ZMYM2: variants seen among roughly 807,000 people sequenced by gnomAD.
ZMYM2 encodes the protein zinc finger MYM-type containing 2.
In ZMYM2, 56 loss-of-function variants were observed where a neutral mutation model predicts 162.8. The ratio of observed to expected loss-of-function variants is 0.34; its 90% confidence interval spans 0.28 to 0.43. The LOEUF is 0.43. Among genes scored for constraint, ZMYM2 ranks in the 20% least tolerant of loss-of-function variants. The pLI is 1.00. For missense variants in ZMYM2, 1,275 were observed against 1,621.8 expected (o/e 0.79, Z 3.67); for synonymous variants, 510 against 541.6 (o/e 0.94, Z 0.81).
intron 2 of ZMYM2, among the ~76,000 whole-genome samples, chr13:19,961,234 A>G (rs1955177242): frequency 6.6e-6 from 1 of 152,042 alleles, no homozygotes; most frequent in African/African-American, 2.4e-5. Flanking sequence ...TGCCCACACT[A>G]GTTTTTAACA....
At chr13:20,079,740 C>T (rs529158856) in intron 21 of ZMYM2, among the ~76,000 whole-genome samples, 6 of 152,120 alleles carry the variant, frequency 3.9e-5, no homozygotes, top group Non-Finnish European at 8.8e-5. Context: ...ATTAAGTGTT[C>T]GCACTTCATT....
chr13:20,080,394 TTTCAC>T (rs1398884015), intron 21 of ZMYM2, among the ~76,000 whole-genome samples: 2 of 152,230 alleles, frequency 1.3e-5, no homozygotes, highest in African/African-American at 4.8e-5. Flanking sequence ...TTCTTTTACT[TTTCAC>T]TTATCTGTTC....
chr13:19,876,470 G>A, the ZMYM2 span, among the ~76,000 whole-genome samples: 1 of 151,882 alleles, frequency 6.6e-6, no homozygotes, highest in East Asian at 1.9e-4. Context: ...CTACAGGCAC[G>A]TGCCACTACA....
At chr13:19,889,307 ATTTATTTTAT>A in the ZMYM2 span, among the ~76,000 whole-genome samples, 1 of 151,732 alleles carries the variant, frequency 6.6e-6, no homozygotes, top group African/African-American at 2.4e-5. Flanking sequence ...TTGTTTTGGA[ATTTATTTTAT>A]TTTATTTTAT....
intron 2 of ZMYM2, among the ~76,000 whole-genome samples, chr13:19,973,186 C>T (rs955888430): frequency 2.0e-5 from 3 of 152,004 alleles, no homozygotes; most frequent in Non-Finnish European, 4.4e-5. Context: ...ATCCGCCCAC[C>T]TCAGCCTCCC....
At chr13:19,865,269 G>A in the ZMYM2 span, among the ~76,000 whole-genome samples, 1 of 152,186 alleles carries the variant, frequency 6.6e-6, no homozygotes, top group Admixed American at 6.5e-5. Context: ...ATCTCATAAC[G>A]TTTTAAGAAA....
At chr13:19,863,954 G>C in the ZMYM2 span, 1 of 152,196 alleles carries the variant, frequency 6.6e-6, no homozygotes, top group Non-Finnish European at 1.5e-5. Context: ...GCCGCCCGTC[G>C]TAGCGGCCCG....
the ZMYM2 span, among the ~76,000 whole-genome samples, chr13:19,885,920 TATATATGTGTATACAC>T: frequency 1.7e-5 from 1 of 57,450 alleles, no homozygotes; most frequent in African/African-American, 5.7e-5. Flanking sequence ...TATATACACA[TATATATGTGTATACAC>T]ATATATATGT....
At chr13:20,055,812 A>C (rs1052120967) in intron 14 of ZMYM2, among the ~76,000 whole-genome samples, 6 of 152,120 alleles carry the variant, frequency 3.9e-5, no homozygotes, top group African/African-American at 1.4e-4. Context: ...TTTTTTTTAA[A>C]GCATACTGAA....
At chr13:20,014,380 T>G (rs1951442969) in intron 6 of ZMYM2, among the ~76,000 whole-genome samples, 1 of 152,188 alleles carries the variant, frequency 6.6e-6, no homozygotes, top group Non-Finnish European at 1.5e-5. Flanking sequence ...CCAGGACATT[T>G]TTGATGACTG....
the ZMYM2 span, among the ~76,000 whole-genome samples, chr13:19,877,712 A>AT: frequency 6.6e-6 from 1 of 152,202 alleles, no homozygotes; most frequent in Admixed American, 6.5e-5. Context: ...ATGTGGCAGC[A>AT]TATGTCCAAA....
intron 2 of ZMYM2, among the ~76,000 whole-genome samples, chr13:19,972,900 TATATATAC>T (rs1956447211): frequency 6.6e-6 from 1 of 150,660 alleles, no homozygotes; most frequent in African/African-American, 2.4e-5. Flanking sequence ...TTACAAATTA[TATATATAC>T]ATATATAGAT....
At chr13:20,031,459 G>T in intron 10 of ZMYM2, 24 bp downstream of exon 10, 1 of 1,428,914 alleles carries the variant, frequency 7.0e-7, no homozygotes, top group South Asian at 1.3e-5. Context: ...TGTAATGTGT[G>T]TTATCTAATG....
chr13:20,082,303 ATAAC>A (rs1328010483), intron 22 of ZMYM2, among the ~76,000 whole-genome samples, 173 bp downstream of exon 22: 1 of 152,196 alleles, frequency 6.6e-6, no homozygotes, highest in African/African-American at 2.4e-5. Context: ...AATGTGGTCA[ATAAC>A]TAGTGTTTAT....
chr13:20,031,865 G>GTTTTTTTTTTTTTTT (rs10642086), intron 10 of ZMYM2, among the ~76,000 whole-genome samples: 8 of 130,272 alleles, frequency 6.1e-5, no homozygotes, highest in Non-Finnish European at 7.7e-5. Flanking sequence ...TTCTGTAATT[G>GTTTTTTTTTTTTTTT]TTTTTTTTTT....
At chr13:19,941,303 GAACA>G in the ZMYM2 span, among the ~76,000 whole-genome samples, 462 of 120,176 alleles carry the variant, frequency 3.8e-3, 5 homozygotes, top group African/African-American at 0.013. Flanking sequence ...GCGGAAAACA[GAACA>G]AACAAACAAA....
chr13:20,086,642 G>C lies in ZMYM2; in HGVS notation c.*628G>C. On this transcript the variant is annotated 3_prime_UTR_variant, in exon 25 of 25. Coordinates refer to ENST00000610343, the MANE Select transcript of ZMYM2 (RefSeq NM_197968.4). The stretch of plus-strand genomic sequence containing the variant: ...TTGGTGTACTGTAATGTGAATCTAT[G>C]CTGGTGAAAACAATTTTTTGTTCCC... 1 of 190,998 alleles carries C rather than the reference G, an allele frequency of 5.2e-6. No individual in the cohort carries two copies. The highest frequency in any genetic ancestry group is 1.1e-5 in the Non-Finnish European group (1 of 90,970). The allele number at this position is 190,998 out of a possible 1,614,324, so 11.8% of individuals were successfully genotyped here. A position where few individuals can be genotyped will look rare whatever the true frequency, so the allele number is the denominator to read the frequency against.
At chr13:19,966,826 GCTTTATAA>G (rs1405340494) in intron 2 of ZMYM2, among the ~76,000 whole-genome samples, 1 of 152,076 alleles carries the variant, frequency 6.6e-6, no homozygotes. Context: ...ACAAGTTTTA[GCTTTATAA>G]CTTTACTATG....
the ZMYM2 span, among the ~76,000 whole-genome samples, chr13:19,889,817 T>C: frequency 6.6e-6 from 1 of 151,842 alleles, no homozygotes; most frequent in Non-Finnish European, 1.5e-5. Context: ...CAGTTTTGTT[T>C]TTTAACTGAA....
Sources: allele counts gnomAD v4.1 joint callset (sites outside exome capture counted in the v4.1 genomes callset), GRCh38; gene constraint gnomAD v4.1.1; transcripts MANE v1.5; gene names NCBI Gene and HGNC (gene_info 2026-07-23, HGNC 2026-07-21).